DYM: variants seen among roughly 807,000 people sequenced by gnomAD.
The protein encoded by DYM is dyggve-Melchior-Clausen syndrome protein.
A neutral mutation model predicts 93.1 loss-of-function variants in DYM; 78 were observed. The ratio of observed to expected loss-of-function variants is 0.84; its 90% confidence interval spans 0.70 to 1.01. The LOEUF is 1.01. Among genes scored for constraint, DYM ranks in the 50% least tolerant of loss-of-function variants. DYM has a pLI of 0.00. For synonymous variants in DYM, 321 were observed against 319.7 expected, an observed-to-expected ratio of 1.00 and a Z score of -0.04; for missense variants, 789 against 845.0, an observed-to-expected ratio of 0.93 and a Z score of 0.82.
In DYM at chr18:49,309,249, G is replaced by A. The variant is rs149171247; in HGVS notation, c.763+22615C>T. Reference sequence around the variant, plus strand: ...AAAACTGGGTCAACCTAAGTAGAAGGCTGCAGATTTATGCTTACGCTATGG... The same window carrying A: ...AAAACTGGGTCAACCTAAGTAGAAGACTGCAGATTTATGCTTACGCTATGG... On this transcript the variant is annotated intron_variant, in intron 8 of 17. Transcript: ENST00000675505. Among the ~76,000 whole-genome samples, 3 of 152,298 alleles carry A rather than the reference G, an allele frequency of 2.0e-5. No homozygotes were observed. The East Asian group carries it at 5.8e-4, about 29-fold the overall frequency.
intron 6 of DYM, among the ~76,000 whole-genome samples, chr18:49,335,666 T>C (rs2063603945): frequency 6.6e-6 from 1 of 152,166 alleles, no homozygotes; most frequent in African/African-American, 2.4e-5. Flanking sequence ...CTGGAATCCA[T>C]ACACAATAGT....
intron 13 of DYM, among the ~76,000 whole-genome samples, chr18:49,247,217 C>G (rs961327038): frequency 2.6e-5 from 4 of 152,204 alleles, no homozygotes; most frequent in African/African-American, 9.7e-5. Flanking sequence ...ACTGCACTTA[C>G]AGGTGTCACC....
intron 16 of DYM, among the ~76,000 whole-genome samples, chr18:49,100,157 T>C (rs1256075919): frequency 6.6e-6 from 1 of 152,198 alleles, no homozygotes; most frequent in Non-Finnish European, 1.5e-5. Flanking sequence ...CCAATACTAT[T>C]AGTAAAACTA....
Position 49,072,288 on chromosome 18 carries a change from T to A in DYM, c.2025+25114A>T, listed in dbSNP as rs999335267. Among the ~76,000 whole-genome samples, 4 of 152,116 alleles carry A rather than the reference T, an allele frequency of 2.6e-5. No individual in the cohort carries two copies. The South Asian group carries it at 8.3e-4, about 31-fold the overall frequency. On this transcript the variant is annotated intron_variant, in intron 17 of 17. Coordinates refer to ENST00000675505, the MANE Select transcript of DYM (RefSeq NM_001353214.3). ...TTACAAAGCTATGCTGCCAATAAGGTGATTCGTGTCATGTTTAAAGGATTT... is the reference window on the plus strand; with the variant it reads ...TTACAAAGCTATGCTGCCAATAAGGAGATTCGTGTCATGTTTAAAGGATTT...
chr18:49,217,143 A>G (rs927005402), intron 13 of DYM, among the ~76,000 whole-genome samples: 5 of 152,238 alleles, frequency 3.3e-5, no homozygotes, highest in Admixed American at 6.5e-5. Flanking sequence ...CAACTGGAAG[A>G]AAGGGTATCA....
chr18:49,196,730 T>C (rs1302946113), intron 14 of DYM, among the ~76,000 whole-genome samples: 5 of 152,216 alleles, frequency 3.3e-5, no homozygotes, highest in Middle Eastern at 3.4e-3. Flanking sequence ...GGCTAGAGAA[T>C]GTAGCATCCT....
chr18:49,381,281 C>T (rs1229683442), intron 3 of DYM, among the ~76,000 whole-genome samples: 1 of 152,002 alleles, frequency 6.6e-6, no homozygotes, highest in African/African-American at 2.4e-5. Context: ...TTTTAAAATT[C>T]AGGCCCATAC....
Position 49,363,147 on chromosome 18 carries a change from T to C in DYM, c.494+14A>G, listed in dbSNP as rs766051129. On this transcript the variant is annotated intron_variant, in intron 6 of 17. Transcript: ENST00000675505. The stretch of plus-strand genomic sequence containing the variant: ...AAAGAAGATAAAACAAATCCTGGCC[T>C]AGCCAGAACTTACAAGAGTGGAATA... 2 of 1,606,822 alleles carry C rather than the reference T, an allele frequency of 1.2e-6. No individual in the cohort carries two copies. Among genetic ancestry groups the C allele is most frequent in the South Asian group, 2.2e-5 (2 of 90,944 alleles).
chr18:49,159,398 T>G (rs1284804518), intron 15 of DYM, among the ~76,000 whole-genome samples: 2 of 152,200 alleles, frequency 1.3e-5, no homozygotes, highest in Non-Finnish European at 2.9e-5. Context: ...GAAAGCAGAT[T>G]TAAAAGTTTG....
chr18:49,040,668 T>C lies in DYM; in HGVS notation c.*3387A>G, dbSNP rs1709717992. Among the ~76,000 whole-genome samples, 1 of 152,160 alleles carries C rather than the reference T, an allele frequency of 6.6e-6. No individual in the cohort carries two copies. The highest frequency in any genetic ancestry group is 2.4e-5 in the African/African-American group (1 of 41,434). ...AGTGGCAACTACTGATATTGCAGGA[T>C]AGTGCCTAGGAAAGAATTAAGAGAC... On this transcript the variant is annotated 3_prime_UTR_variant, in exon 18 of 18. Transcript: ENST00000675505.
At chr18:49,295,098 G>A (rs1268260218) in intron 8 of DYM, among the ~76,000 whole-genome samples, 1 of 152,100 alleles carries the variant, frequency 6.6e-6, no homozygotes, top group African/African-American at 2.4e-5. Flanking sequence ...GCATTAAAAC[G>A]ACTGCATATA....
chr18:49,457,129 C>G lies in DYM; in HGVS notation c.-54+3269G>C, dbSNP rs140049201. ...CATTCCCAGCTGAGTCACAGAAGAACCTGAGAAGAGGCTGCTTCAAGTCCA... is the reference window on the plus strand; with the variant it reads ...CATTCCCAGCTGAGTCACAGAAGAAGCTGAGAAGAGGCTGCTTCAAGTCCA... On this transcript the variant is annotated intron_variant, in intron 1 of 17. Coordinates refer to ENST00000675505, the MANE Select transcript of DYM (RefSeq NM_001353214.3). 4.6e-4 allele frequency among the ~76,000 whole-genome samples: 70 copies of G among 152,298 alleles called. 1 individual carries two copies. In the South Asian group the frequency reaches 0.014, roughly 31 times the overall value.
At chr18:49,070,916 C>G (rs908915721) in intron 17 of DYM, among the ~76,000 whole-genome samples, 4 of 152,100 alleles carry the variant, frequency 2.6e-5, no homozygotes, top group Admixed American at 6.5e-5. Flanking sequence ...TCCTTATACC[C>G]CATTGTGCCC....
rs527877702 is a variant in DYM, at chr18:49,046,469, CCACACA to C, written c.2026-2271_2026-2266del. Among the ~76,000 whole-genome samples, 55 of 147,800 alleles carry C rather than the reference CCACACA, an allele frequency of 3.7e-4. 1 individual carries two copies. Among genetic ancestry groups the C allele is most frequent in the East Asian group, 1.0e-3 (5 of 4,980 alleles). The stretch of plus-strand genomic sequence containing the variant: ...CCCACACACTCACATGCAGACACAC[CCACACA>C]CACACAGACACACACACAGACATAC... On this transcript the variant is annotated intron_variant, in intron 17 of 17. Transcript: ENST00000675505.
At chr18:49,050,381 G>A (rs1158363988) in intron 17 of DYM, among the ~76,000 whole-genome samples, 2 of 151,986 alleles carry the variant, frequency 1.3e-5, no homozygotes, top group Admixed American at 6.6e-5. Flanking sequence ...ATGAGCCACC[G>A]CACCCAGTCC....
chr18:49,264,002 A>G (rs1253068315), intron 11 of DYM, among the ~76,000 whole-genome samples: 6 of 151,972 alleles, frequency 3.9e-5, no homozygotes, highest in Non-Finnish European at 7.4e-5. Flanking sequence ...ATTAAATGTT[A>G]GTATTCTTGC....
chr18:49,413,076 C>T (rs2072466553), intron 2 of DYM: 1 of 152,164 alleles, frequency 6.6e-6, no homozygotes, highest in Admixed American at 6.6e-5. Flanking sequence ...GGTGGTTCTA[C>T]TCTCAAAGAT....
Position 49,206,731 on chromosome 18 carries a change from T to C in DYM, c.1625+2820A>G, listed in dbSNP as rs562632990. Among the ~76,000 whole-genome samples, 54 of 152,292 alleles carry C rather than the reference T, an allele frequency of 3.5e-4. No individual in the cohort carries two copies. In the South Asian group the frequency reaches 0.011, roughly 32 times the overall value. ...CCATGCCCCTAGCCACTACACTATA[T>C]TAACACTGTATTTCTTCTCTGTTGT... is the stretch of plus-strand genomic sequence containing the variant. On this transcript the variant is annotated intron_variant, in intron 14 of 17. Coordinates refer to ENST00000675505, the MANE Select transcript of DYM (RefSeq NM_001353214.3).
At chr18:49,213,774 G>A (rs2092904954) in intron 13 of DYM, among the ~76,000 whole-genome samples, 1 of 152,000 alleles carries the variant, frequency 6.6e-6, no homozygotes, top group Non-Finnish European at 1.5e-5. Flanking sequence ...AAGCTCATTA[G>A]TAGACCCATT....
Sources: gnomAD v4.1 joint callset for allele counts (sites outside exome capture counted in the v4.1 genomes callset) on GRCh38, gnomAD v4.1.1 for gene constraint, MANE v1.5 for transcripts, NCBI Gene and HGNC (gene_info 2026-07-23, HGNC 2026-07-21) for gene names.